Variants in MAML3 observed in about 807,000 individuals in gnomAD.
MAML3 encodes the protein mastermind like transcriptional coactivator 3.
Under a neutral mutation model 101.9 loss-of-function variants are expected in MAML3, and 27 were observed. The ratio of observed to expected loss-of-function variants is 0.27; its 90% CI spans 0.20 to 0.37. The LOEUF is 0.37. Among genes scored for constraint, MAML3 ranks in the 10% least tolerant of loss-of-function variants. The probability of loss-of-function intolerance (pLI) is 1.00; values close to 1 mark genes in which losing one functional copy is unlikely to be tolerated. For synonymous variants in MAML3, 501 were observed against 555.9 expected (o/e 0.90, Z 1.39); for missense variants, 1,316 against 1,444.9 (o/e 0.91, Z 1.45).
At chr4:139,843,769 G>A (rs1184019157) in intron 2 of MAML3, among the ~76,000 whole-genome samples, 2 of 152,012 alleles carry the variant, frequency 1.3e-5, no homozygotes, top group Non-Finnish European at 2.9e-5. Flanking sequence ...GTCTGATCAC[G>A]TCCTAGTCTG....
At chr4:139,904,520 C>A (rs1354824016) in intron 1 of MAML3, among the ~76,000 whole-genome samples, 1 of 152,184 alleles carries the variant, frequency 6.6e-6, no homozygotes, top group Non-Finnish European at 1.5e-5. Flanking sequence ...GCATAGGCGA[C>A]CACGCTGTGG....
intron 1 of MAML3, among the ~76,000 whole-genome samples, chr4:140,137,135 C>A (rs2111048868): frequency 6.6e-6 from 1 of 152,162 alleles, no homozygotes; most frequent in East Asian, 1.9e-4. Flanking sequence ...ATTACAGGCG[C>A]CCGCCACCGC....
At chr4:139,764,473 C>T (rs976111403) in intron 2 of MAML3, among the ~76,000 whole-genome samples, 9 of 152,222 alleles carry the variant, frequency 5.9e-5, no homozygotes, top group African/African-American at 1.7e-4. Context: ...AGCCACTGAA[C>T]TTTCATTCTG....
intron 1 of MAML3, among the ~76,000 whole-genome samples, chr4:140,078,885 G>T (rs1727820415): frequency 6.6e-6 from 1 of 152,124 alleles, no homozygotes; most frequent in Non-Finnish European, 1.5e-5. Flanking sequence ...CCAACCACCA[G>T]GCCTTAGAGA....
At chr4:139,757,726 C>T (rs1001035481) in intron 2 of MAML3, among the ~76,000 whole-genome samples, 2 of 151,844 alleles carry the variant, frequency 1.3e-5, no homozygotes, top group African/African-American at 2.4e-5. Context: ...CTGTTGAGGG[C>T]CACCATGCCA....
In MAML3 at chr4:139,755,562, C is replaced by T. The variant is rs534028558; in HGVS notation, c.2080-24895G>A. On this transcript the variant is annotated intron_variant, in intron 2 of 4. Transcript: ENST00000509479. ...GGCGGAGCTTGCAGTGAGAGGAGAT[C>T]GCACCACTACACCCCAGCCTGGGCG... Among the ~76,000 whole-genome samples, 533 of 152,202 alleles carry T rather than the reference C, an allele frequency of 3.5e-3. 2 individuals carry two copies. The highest frequency in any genetic ancestry group is 0.012 in the African/African-American group (503 of 41,510).
intron 1 of MAML3, among the ~76,000 whole-genome samples, chr4:139,971,147 T>A (rs1578622886): frequency 6.6e-6 from 1 of 152,146 alleles, no homozygotes. Context: ...AACCTCTTTA[T>A]CTCCTCTAAT....
At chr4:140,079,587 C>G (rs1727832549) in intron 1 of MAML3, among the ~76,000 whole-genome samples, 1 of 152,192 alleles carries the variant, frequency 6.6e-6, no homozygotes, top group South Asian at 2.1e-4. Context: ...AGCCACCACA[C>G]CTGGCCATAG....
chr4:140,145,747 G>A (rs890048881), intron 1 of MAML3, among the ~76,000 whole-genome samples: 8 of 151,564 alleles, frequency 5.3e-5, no homozygotes, highest in African/African-American at 1.5e-4. Flanking sequence ...TGTATTTTTC[G>A]TAGAGATGGG....
intron 1 of MAML3, among the ~76,000 whole-genome samples, chr4:139,942,504 C>T (rs1733627298): frequency 6.6e-6 from 1 of 152,214 alleles, no homozygotes; most frequent in East Asian, 1.9e-4. Context: ...CACATCTTAT[C>T]TGAGAGCCAC....
intron 1 of MAML3, among the ~76,000 whole-genome samples, chr4:140,044,127 G>GA (rs11436921): frequency 0.52 from 76,289 of 147,528 alleles, 22,576 homozygotes; most frequent in East Asian, 0.95. Context: ...AAGAAAGAAA[G>GA]AAAAAAAAAA....
intron 1 of MAML3, among the ~76,000 whole-genome samples, chr4:139,943,863 A>AC (rs1560844248): frequency 6.9e-4 from 52 of 75,610 alleles, no homozygotes; most frequent in Non-Finnish European, 1.0e-3. Context: ...CCTAAAGACA[A>AC]CTTTTTTTTT....
chr4:139,817,971 T>C (rs1275198539), intron 2 of MAML3, among the ~76,000 whole-genome samples: 1 of 152,234 alleles, frequency 6.6e-6, no homozygotes, highest in Non-Finnish European at 1.5e-5. Context: ...TCTCATCTGC[T>C]GGTATAGTGG....
Position 139,888,694 on chromosome 4 carries a change from C to G in MAML3, c.2079+663G>C, listed in dbSNP as rs190076492. 5.8e-6 allele frequency: 3 copies of G among 517,704 alleles called. No homozygotes were observed. In the East Asian group the frequency reaches 1.6e-4, roughly 28 times the overall value. 32.1% of individuals were successfully genotyped at this position (517,704 alleles called of 1,614,324 possible). On this transcript the variant is annotated intron_variant, in intron 2 of 4. Transcript: ENST00000509479. ...TAATACAGCACTAAGATATATTCAC[C>G]ATCACATTTTCCTGAAATAGAGCTG...
intron 2 of MAML3, among the ~76,000 whole-genome samples, chr4:139,814,761 T>C (rs983827175): frequency 3.9e-5 from 6 of 152,104 alleles, no homozygotes; most frequent in Non-Finnish European, 8.8e-5. Context: ...TTCCAAATCC[T>C]ACCTGCATCT....
chr4:140,008,435 C>A (rs1726493934), intron 1 of MAML3, among the ~76,000 whole-genome samples: 1 of 152,144 alleles, frequency 6.6e-6, no homozygotes, highest in Admixed American at 6.5e-5. Flanking sequence ...ATGGTAAGGA[C>A]CAAGCATTTT....
At chr4:140,133,170 G>GA (rs1243698962) in intron 1 of MAML3, 43 of 385,290 alleles carry the variant, frequency 1.1e-4, no homozygotes, top group South Asian at 1.9e-4. Flanking sequence ...CCAACAAAAA[G>GA]AAAAAAAAGA....
chr4:139,857,950 C>T (rs1187591776), intron 2 of MAML3, among the ~76,000 whole-genome samples: 1 of 152,156 alleles, frequency 6.6e-6, no homozygotes, highest in Non-Finnish European at 1.5e-5. Context: ...ACATATGCCA[C>T]CTAGCGTGGT....
At chr4:139,879,618 T>C (rs932599293) in intron 2 of MAML3, among the ~76,000 whole-genome samples, 2 of 107,498 alleles carry the variant, frequency 1.9e-5, no homozygotes, top group South Asian at 3.6e-4. Flanking sequence ...GTGGTGGTGA[T>C]AGTGGTTGGG....
Sources: gnomAD v4.1 joint callset for allele counts (sites outside exome capture counted in the v4.1 genomes callset) on GRCh38, gnomAD v4.1.1 for gene constraint, MANE v1.5 for transcripts, NCBI Gene and HGNC (gene_info 2026-07-23, HGNC 2026-07-21) for gene names.